The following ITPR3 variants were observed in gnomAD, a reference collection of about 807,000 sequenced individuals.
The protein encoded by ITPR3 is inositol 1,4,5-trisphosphate receptor type 3.
ITPR3 carries 173 observed loss-of-function variants against 293.2 expected under a neutral mutation model. That is an observed-to-expected ratio of 0.59 (90% confidence interval 0.52 to 0.67). The LOEUF is 0.67. ITPR3 is among the 30% of genes least tolerant of loss of function. ITPR3 has a pLI of 0.00. For synonymous variants in ITPR3, 1,295 were observed against 1,444.4 expected (o/e 0.90, Z 2.35); for missense variants, 2,796 against 3,592.1 (o/e 0.78, Z 5.66).
rs1434639827 is a variant in ITPR3, at chr6:33,654,313, C to T, written c.161-1453C>T. Among the ~76,000 whole-genome samples, 1 of 152,116 alleles carries T rather than the reference C, an allele frequency of 6.6e-6. No homozygotes were observed. Among genetic ancestry groups the T allele is most frequent in the Non-Finnish European group, 1.5e-5 (1 of 68,018 alleles). On this transcript the variant is annotated intron_variant, in intron 2 of 57. Transcript: ENST00000605930. The surrounding 1 kb of genome is among the most constrained non-coding windows in gnomAD (Gnocchi z 4.1). ...AAAAAATAAAAAAGACACACTCTCT[C>T]CAACAAACTGAGTGCTCTTTCGGAA...
rs552094544 is a variant in ITPR3, at chr6:33,649,933, C to T, written c.161-5833C>T. Among the ~76,000 whole-genome samples the T allele has an allele frequency of 8.5e-5, 13 of 152,260 alleles. No homozygotes were observed. In the East Asian group the frequency reaches 2.5e-3, roughly 29 times the overall value. On this transcript the variant is annotated intron_variant, in intron 2 of 57. Transcript: ENST00000605930. Reference sequence around the variant, plus strand: ...CAGTGGGCATTTGGAGTGGTAGGCACCTTAGTCAGTATTGGATGAATGTTG... The same window carrying T: ...CAGTGGGCATTTGGAGTGGTAGGCATCTTAGTCAGTATTGGATGAATGTTG...
At position 33,684,892 on chromosome 6, in the gene ITPR3, G is replaced by A. The variant is rs1765182938; in HGVS notation, c.5256G>A (p.Glu1752=). 7.4e-6 allele frequency: 12 copies of A among 1,614,056 alleles called. No individual in the cohort carries two copies. Among genetic ancestry groups the A allele is most frequent in the African/African-American group, 1.3e-5 (1 of 75,074 alleles). The change falls in exon 39 of 58, where the codon GAG becomes GAA. Residue 1752 remains glutamate, a synonymous_variant. Coordinates refer to ENST00000605930, the MANE Select transcript of ITPR3 (RefSeq NM_002224.4). This position sits in a 1 kb window ranked among gnomAD's most constrained non-coding sequence, Gnocchi z 4.2. ...CCAAGAACGAGAAGATCTTCCAGGA[G>A]AGCATCGGCCTGGCCATCCACCTGC... ...TSTKNEKIFQ[E]SIGLAIHLLD...
Position 33,691,330 on chromosome 6 carries a change from C to T in ITPR3, c.7225+221C>T, listed in dbSNP as rs1256956065. Among the ~76,000 whole-genome samples, 1 of 152,184 alleles carries T rather than the reference C, an allele frequency of 6.6e-6. No individual in the cohort carries two copies. The highest frequency in any genetic ancestry group is 1.9e-4 in the East Asian group (1 of 5,198). ...CTTGGGTCTCTGGCCCCTAAGGAAC[C>T]CCTTGCTTGAGGGCTGGAGTCCCTT... On this transcript the variant is annotated intron_variant, in intron 52 of 57. Transcript: ENST00000605930. This position sits in a 1 kb window ranked among gnomAD's most constrained non-coding sequence, Gnocchi z 4.9.
rs781091565 is a variant in ITPR3 at position 33,688,221 on chromosome 6, T to C, written c.6376-18T>C. On this transcript the variant is annotated intron_variant, in intron 47 of 57. Coordinates refer to ENST00000605930, the MANE Select transcript of ITPR3 (RefSeq NM_002224.4). ...TGGGAGCCTGCGCCGGGCGTGACCA[T>C]GTGCTGTGTGTGCTCAGATTGTGCG... 2.8e-5 allele frequency: 45 copies of C among 1,614,002 alleles called. No homozygotes were observed. The highest frequency in any genetic ancestry group is 3.6e-5 in the Non-Finnish European group (42 of 1,180,012).
At position 33,631,602 on chromosome 6, in the gene ITPR3, A is replaced by T. The variant is rs562555146; in HGVS notation, c.90-8882A>T. On this transcript the variant is annotated intron_variant, in intron 1 of 57. Coordinates refer to ENST00000605930, the MANE Select transcript of ITPR3 (RefSeq NM_002224.4). ...GGGAGGAGCATGAAAGTGGACAAGGAGTGGGACCATTGAAGCACAGCACCA... is the reference window on the plus strand; with the variant it reads ...GGGAGGAGCATGAAAGTGGACAAGGTGTGGGACCATTGAAGCACAGCACCA... Among the ~76,000 whole-genome samples, 223 of 152,334 alleles carry T rather than the reference A, an allele frequency of 1.5e-3. 1 individual carries two copies. Among genetic ancestry groups the T allele is most frequent in the Admixed American group, 2.0e-3 (30 of 15,298 alleles).
intron 33 of ITPR3, among the ~76,000 whole-genome samples, chr6:33,681,519 A>G (rs1308905614): frequency 6.6e-6 from 1 of 152,208 alleles, no homozygotes; most frequent in Non-Finnish European, 1.5e-5. Flanking sequence ...CAATCCCCAG[A>G]TTCCCAGACT....
intron 3 of ITPR3, among the ~76,000 whole-genome samples, chr6:33,657,103 A>G (rs1458850469): frequency 6.6e-6 from 1 of 152,188 alleles, no homozygotes; most frequent in African/African-American, 2.4e-5. Flanking sequence ...GCTTTGTGGA[A>G]AGTCACATGG....
chr6:33,673,342 A>C (rs1764818356), intron 22 of ITPR3, among the ~76,000 whole-genome samples: 1 of 152,030 alleles, frequency 6.6e-6, no homozygotes, highest in African/African-American at 2.4e-5. Context: ...TGCTGAGAGG[A>C]GGCCCTCATA....
intron 7 of ITPR3, among the ~76,000 whole-genome samples, chr6:33,660,699 C>T (rs1470068647): frequency 6.6e-6 from 1 of 152,078 alleles, no homozygotes; most frequent in Non-Finnish European, 1.5e-5. Flanking sequence ...GAGGCCGAAG[C>T]GGGTGGATCA....
rs903615068 is a variant in ITPR3, at chr6:33,671,117, C to T, written c.2587-48C>T. 5.0e-6 allele frequency: 8 copies of T among 1,607,396 alleles called. No individual in the cohort carries two copies. The African/African-American group carries it at 1.1e-4, about 21-fold the overall frequency. ...GCCTGCCCTCCACGAAGCCCCGCCC[C>T]TACGCGCCGGCCCCTCCCACCTCAC... On this transcript the variant is annotated intron_variant, in intron 20 of 57. Transcript: ENST00000605930.
chr6:33,657,819 GT>G, intron 3 of ITPR3, 112 bp from the exon 4 acceptor site: 4 of 733,616 alleles, frequency 5.5e-6, no homozygotes, highest in Admixed American at 2.2e-5. Context: ...GGGTGACTGT[GT>G]GTGTGTGTGT....
chr6:33,628,828 G>C (rs1435656412), intron 1 of ITPR3, among the ~76,000 whole-genome samples: 1 of 152,158 alleles, frequency 6.6e-6, no homozygotes, highest in Non-Finnish European at 1.5e-5. Context: ...GTGCATATTT[G>C]GTTAGCAAAT....
At position 33,693,584 on chromosome 6, in the gene ITPR3, T is replaced by C. The variant is rs766262101; in HGVS notation, c.7664T>C (p.Phe2555Ser). The C allele has an allele frequency of 2.5e-6, 4 of 1,614,050 alleles. No individual in the cohort carries two copies. Among genetic ancestry groups the C allele is most frequent in the African/African-American group, 1.3e-5 (1 of 74,926 alleles). The change falls in exon 56 of 58, where the codon TTT becomes TCT. Residue 2555 changes from phenylalanine to serine, a missense_variant. Phe to Ser is a radical substitution (Grantham distance 155, BLOSUM62 -2). Around this residue, in one of 8 missense-constraint regions of ITPR3, gnomAD observed 568 missense variants for 796.1 expected, o/e 0.71. Transcript: ENST00000605930. The part of the protein sequence containing the change: ...RDKFDNKTVS[F>S]EEHIKLEHNM... ...AAGTTTGATAACAAGACAGTGTCAT[T>C]TGAGGAACACATCAAGCTGGAGCAC...
At chr6:33,626,090 G>A (rs1763543633) in intron 1 of ITPR3, among the ~76,000 whole-genome samples, 1 of 152,186 alleles carries the variant, frequency 6.6e-6, no homozygotes, top group African/African-American at 2.4e-5. Flanking sequence ...GTGTGCTACC[G>A]CATCTGGCTA....
rs9461898 is a variant in ITPR3 at position 33,682,690 on chromosome 6, C to T, written c.4597+46C>T. ...GCCAGCCCCAAACCACTCCTCCTGC[C>T]GCTCACAGTGGGGACGCCTGCCCTC... On this transcript the variant is annotated intron_variant, in intron 34 of 57. Coordinates refer to ENST00000605930, the MANE Select transcript of ITPR3 (RefSeq NM_002224.4). This position sits in a 1 kb window ranked among gnomAD's most constrained non-coding sequence, Gnocchi z 5.4. The T allele has an allele frequency of 9.2e-3, 14,455 of 1,562,778 alleles. 669 individuals are homozygous for T. The African/African-American group carries it at 0.13, about 14-fold the overall frequency.
At position 33,690,289 on chromosome 6, in the gene ITPR3, G is replaced by C. The variant is rs764752; in HGVS notation, c.7032+91G>C. On this transcript the variant is annotated intron_variant, in intron 51 of 57. Coordinates refer to ENST00000605930, the MANE Select transcript of ITPR3 (RefSeq NM_002224.4). ...GTTGGCAGTTCCCCGGCACCAGTCT[G>C]TCTGTCCAGTCCTTTTGCTGCTGGG... The C allele has an allele frequency of 0.49, 603,404 of 1,227,986 alleles. 159,739 individuals carry two copies. Among genetic ancestry groups the C allele is most frequent in the East Asian group, 0.87 (35,207 of 40,576 alleles). The allele number at this position is 1,227,986 out of a possible 1,614,324, so 76.1% of individuals were successfully genotyped here.
chr6:33,669,146 A>G lies in ITPR3; in HGVS notation c.2179A>G (p.Ser727Gly). Residue 727 changes from serine to glycine, a missense_variant, in exon 18 of 58, where the codon AGC becomes GGC. This residue lies in a region of ITPR3 where 955 missense variants were observed against 1,180.8 expected (regional missense o/e 0.81). Transcript: ENST00000605930. Reference protein sequence around the residue: ...AGNAHDENVLSYYRYQLKLFA... With the variant: ...AGNAHDENVLGYYRYQLKLFA... Reference sequence around the variant, plus strand: ...CAACGCCCACGACGAGAATGTGCTCAGCTACTACAGGTGCCCCGCCCCAGC... The same window carrying G: ...CAACGCCCACGACGAGAATGTGCTCGGCTACTACAGGTGCCCCGCCCCAGC... 1 of 1,613,706 alleles carries G rather than the reference A, an allele frequency of 6.2e-7. No individual in the cohort carries two copies. The highest frequency in any genetic ancestry group is 8.5e-7 in the Non-Finnish European group (1 of 1,179,858).
chr6:33,682,447 G>T lies in ITPR3; in HGVS notation c.4477-77G>T. On this transcript the variant is annotated intron_variant, in intron 33 of 57. Coordinates refer to ENST00000605930, the MANE Select transcript of ITPR3 (RefSeq NM_002224.4). This position sits in a 1 kb window ranked among gnomAD's most constrained non-coding sequence, Gnocchi z 5.4. Reference sequence around the variant, plus strand: ...CTCTCCACCCATGCCCATTCTGATTGGGCCCTGGTTCCTGGACCTGGGGTT... The same window carrying T: ...CTCTCCACCCATGCCCATTCTGATTTGGCCCTGGTTCCTGGACCTGGGGTT... 1.4e-6 allele frequency: 2 copies of T among 1,444,686 alleles called. No homozygotes were observed. Among genetic ancestry groups the T allele is most frequent in the South Asian group, 3.1e-5 (2 of 64,478 alleles). The allele number at this position is 1,444,686 out of a possible 1,614,324, so 89.5% of individuals were successfully genotyped here.
At chr6:33,643,919 G>T (rs776832621) in intron 2 of ITPR3, among the ~76,000 whole-genome samples, 1 of 152,212 alleles carries the variant, frequency 6.6e-6, no homozygotes, top group Non-Finnish European at 1.5e-5. Context: ...AGGGCTGGGC[G>T]CGGTGGCTCA....
Sources: gnomAD v4.1 joint callset for allele counts (sites outside exome capture counted in the v4.1 genomes callset) on GRCh38, gnomAD v4.1.1 for gene constraint, gnomAD v4.1.1 regional missense constraint, Gnocchi (gnomAD v3.1) non-coding constraint, MANE v1.5 for transcripts, NCBI Gene and HGNC (gene_info 2026-07-23, HGNC 2026-07-21) for gene names.